OTUD7B: variants seen among roughly 807,000 people sequenced by gnomAD.
OTUD7B encodes the protein OTU domain-containing protein 7B.
OTUD7B carries 34 observed loss-of-function variants against 82.2 expected under a neutral mutation model. That is an observed-to-expected ratio of 0.41 (90% CI 0.31 to 0.55). The LOEUF (loss-of-function observed/expected upper bound fraction) is 0.55, where lower values mean the gene tolerates loss of function less well. Ranked by LOEUF, OTUD7B falls within the 20% of genes least tolerant of loss-of-function variation. The pLI, the probability that OTUD7B is intolerant of heterozygous loss-of-function variation, is 0.20. For missense variants in OTUD7B, 944 were observed against 1,062.1 expected (o/e 0.89, Z 1.55); for synonymous variants, 398 against 402.7 (o/e 0.99, Z 0.14).
At chr1:149,948,947 G>C (rs1647973129) in intron 10 of OTUD7B, 22 bp downstream of exon 10, 1 of 1,470,800 alleles carries the variant, frequency 6.8e-7, no homozygotes, top group South Asian at 1.1e-5. Flanking sequence ...CAAAATAGAT[G>C]AAAAGACTAG....
the OTUD7B span, among the ~76,000 whole-genome samples, chr1:150,058,068 G>C: frequency 0.022 from 3,279 of 152,166 alleles, 98 homozygotes; most frequent in African/African-American, 0.074. Context: ...AGATTTAGGG[G>C]TAAAGAATAG....
At chr1:149,978,496 G>A (rs1306123952) in intron 1 of OTUD7B, among the ~76,000 whole-genome samples, 5 of 152,112 alleles carry the variant, frequency 3.3e-5, no homozygotes, top group African/African-American at 9.7e-5. Context: ...TCAAAAGAGC[G>A]ACTGTCTCAA....
chr1:150,049,064 C>T, the OTUD7B span, among the ~76,000 whole-genome samples: 12 of 152,256 alleles, frequency 7.9e-5, no homozygotes, highest in East Asian at 1.5e-3. Flanking sequence ...TCTCGAACTC[C>T]TGACCTCAAG....
chr1:149,966,525 C>T (rs368640058), intron 4 of OTUD7B, among the ~76,000 whole-genome samples: 10 of 152,122 alleles, frequency 6.6e-5, no homozygotes, highest in African/African-American at 2.2e-4. Context: ...AGATAAAGTA[C>T]ATAAAATATC....
At chr1:149,989,772 G>C (rs1651440207) in intron 1 of OTUD7B, among the ~76,000 whole-genome samples, 1 of 100,970 alleles carries the variant, frequency 9.9e-6, no homozygotes, top group Non-Finnish European at 1.8e-5. Context: ...TGGGGGGCGG[G>C]GGGAGGGAGG....
In OTUD7B at chr1:150,000,582, T is replaced by C. The variant is rs187748408; in HGVS notation, c.-67+9866A>G. Among the ~76,000 whole-genome samples the C allele has an allele frequency of 3.9e-5, 6 of 152,216 alleles. No individual in the cohort carries two copies. In the East Asian group the frequency reaches 1.2e-3, roughly 29 times the overall value. ...TGACTGAATGAACTAGATCTACCTGTAGACACATCTGAAAAGCAATGTTGA... is the reference window on the plus strand; with the variant it reads ...TGACTGAATGAACTAGATCTACCTGCAGACACATCTGAAAAGCAATGTTGA... On this transcript the variant is annotated intron_variant, in intron 1 of 11. Coordinates refer to ENST00000581312, the MANE Select transcript of OTUD7B (RefSeq NM_020205.4).
At chr1:150,003,039 A>G (rs1434022357) in intron 1 of OTUD7B, among the ~76,000 whole-genome samples, 1 of 151,976 alleles carries the variant, frequency 6.6e-6, no homozygotes, top group African/African-American at 2.4e-5. Context: ...TCGCGAGGTC[A>G]GGAGATCAAG....
At chr1:150,055,667 A>G in the OTUD7B span, among the ~76,000 whole-genome samples, 1 of 152,246 alleles carries the variant, frequency 6.6e-6, no homozygotes, top group Admixed American at 6.5e-5. Context: ...TTGGATAAAG[A>G]AAATGTACGT....
chr1:150,056,902 T>C, the OTUD7B span, among the ~76,000 whole-genome samples: 1 of 152,102 alleles, frequency 6.6e-6, no homozygotes, highest in Non-Finnish European at 1.5e-5. Context: ...CAGCTAAAAT[T>C]AGGAGGTGAA....
upstream of OTUD7B, among the ~76,000 whole-genome samples, chr1:150,012,416 G>A (rs1453839801): frequency 3.3e-5 from 5 of 152,120 alleles, no homozygotes; most frequent in Non-Finnish European, 7.3e-5. Flanking sequence ...AACAATCACT[G>A]ACCACACCTA....
rs149665700 is a variant in OTUD7B, at chr1:149,964,939, G to C, written c.605-590C>G. 3.7e-3 allele frequency among the ~76,000 whole-genome samples: 561 copies of C among 150,084 alleles called. 2 individuals carry two copies. The highest frequency in any genetic ancestry group is 6.4e-3 in the Non-Finnish European group (430 of 67,602). Reference sequence around the variant, plus strand: ...GAGTCTTGCTTTGTTGCCCAGGCTGGAGTACAGTGGTGCGATCTCGGCTCA... The same window carrying C: ...GAGTCTTGCTTTGTTGCCCAGGCTGCAGTACAGTGGTGCGATCTCGGCTCA... On this transcript the variant is annotated intron_variant, in intron 5 of 11. Coordinates refer to ENST00000581312, the MANE Select transcript of OTUD7B (RefSeq NM_020205.4).
At chr1:150,049,820 C>T in the OTUD7B span, among the ~76,000 whole-genome samples, 4 of 152,078 alleles carry the variant, frequency 2.6e-5, no homozygotes, top group South Asian at 2.1e-4. Context: ...TACTGGGCTC[C>T]GCCTTGGCTT....
At chr1:150,005,318 T>C (rs1652591302) in intron 1 of OTUD7B, among the ~76,000 whole-genome samples, 2 of 152,168 alleles carry the variant, frequency 1.3e-5, no homozygotes. Context: ...TCACTACAAA[T>C]AACAGTTTAG....
chr1:149,946,484 G>A (rs1269917101), intron 11 of OTUD7B, among the ~76,000 whole-genome samples: 3 of 152,164 alleles, frequency 2.0e-5, no homozygotes, highest in Non-Finnish European at 4.4e-5. Flanking sequence ...GCTCATGCCT[G>A]TAATCCCAGA....
At position 149,944,347 on chromosome 1, in the gene OTUD7B, G is replaced by A; in HGVS notation, c.2042C>T (p.Ala681Val). 6.2e-7 allele frequency: 1 copy of A among 1,613,450 alleles called. No homozygotes were observed. The highest frequency in any genetic ancestry group is 1.3e-5 in the African/African-American group (1 of 75,026). The change falls in exon 12 of 12, where the codon GCA (alanine) becomes GTA (valine). Residue 681 changes from alanine (A) to valine (V), a missense_variant. Ala to Val is a moderately conservative substitution (Grantham distance 64, BLOSUM62 0). Around this residue, in one of 3 missense-constraint regions of OTUD7B, gnomAD observed 412 missense variants for 418.7 expected, o/e 0.98. Transcript: ENST00000581312. ...AREEQPTGPP[A>V]ESRAMAFSTG... is the part of the protein sequence containing the mutation. ...GGAAAATGCCATTGCCCTGGACTCT[G>A]CTGGGGGACCGGTCGGCTGCTCTTC... is the stretch of plus-strand genomic sequence containing the variant.
the OTUD7B span, among the ~76,000 whole-genome samples, chr1:150,059,053 CTTT>C: frequency 2.4e-5 from 3 of 125,462 alleles, no homozygotes. Flanking sequence ...ACTTTCTTTT[CTTT>C]TTTTTTTTTT....
the OTUD7B span, among the ~76,000 whole-genome samples, chr1:150,056,000 T>C: frequency 6.6e-6 from 1 of 152,080 alleles, no homozygotes; most frequent in Non-Finnish European, 1.5e-5. Context: ...GGTTTATCTA[T>C]ATAACAAACC....
chr1:149,982,148 CTAAATAAATAAA>C (rs587666436), intron 1 of OTUD7B, among the ~76,000 whole-genome samples: 1 of 150,756 alleles, frequency 6.6e-6, no homozygotes, highest in African/African-American at 2.5e-5. Flanking sequence ...GACTCCATCT[CTAAATAAATAAA>C]TAAATAAATA....
intron 2 of OTUD7B, among the ~76,000 whole-genome samples, chr1:149,972,755 A>G (rs150591381): frequency 6.6e-6 from 1 of 152,314 alleles, no homozygotes; most frequent in African/African-American, 2.4e-5. Context: ...GAATTAATGG[A>G]TAACTCTTCT....
Sources: allele counts gnomAD v4.1 joint callset (sites outside exome capture counted in the v4.1 genomes callset), GRCh38; gene constraint gnomAD v4.1.1; regional missense constraint gnomAD v4.1.1; transcripts MANE v1.5; gene names NCBI Gene and HGNC (gene_info 2026-07-23, HGNC 2026-07-21).